The following ZNF438 variants were observed in gnomAD, a reference collection of about 807,000 sequenced individuals.
The protein encoded by ZNF438 is zinc finger protein 438.
Under a neutral mutation model 38.0 loss-of-function variants are expected in ZNF438, and 25 were observed. The ratio of observed to expected loss-of-function variants is 0.66; its 90% confidence interval spans 0.48 to 0.92. The LOEUF is 0.92. Ranked by LOEUF, ZNF438 falls within the 40% of genes least tolerant of loss-of-function variation. ZNF438 has a pLI of 0.00. For missense variants in ZNF438, 1,007 were observed against 999.6 expected (o/e 1.01, Z -0.10); for synonymous variants, 372 against 364.1 (o/e 1.02, Z -0.25).
At position 30,941,667 on chromosome 10, in the gene ZNF438, G is replaced by T. The variant is rs1329353687; in HGVS notation, c.-191-16C>A. ...TCATTTTTATCTGAAAACAAATGTA[G>T]TGGAAATAACAAAATTATAAAGAAT... is the stretch of plus-strand genomic sequence containing the variant. On this transcript the variant is annotated splice_polypyrimidine_tract_variant and intron_variant, in intron 1 of 5. Coordinates refer to ENST00000413025, the Ensembl canonical transcript of ZNF438. 2 of 152,158 alleles carry T rather than the reference G, an allele frequency of 1.3e-5. No individual in the cohort carries two copies. The highest frequency in any genetic ancestry group is 6.6e-5 in the Admixed American group (1 of 15,260). The allele number at this position is 152,158 out of a possible 1,614,324, so 9.4% of individuals were successfully genotyped here. A position where few individuals can be genotyped will look rare whatever the true frequency, so the allele number is the denominator to read the frequency against.
intron 1 of ZNF438, among the ~76,000 whole-genome samples, chr10:30,986,348 C>T (rs1279120376): frequency 6.6e-6 from 1 of 152,160 alleles, no homozygotes; most frequent in Non-Finnish European, 1.5e-5. Flanking sequence ...CAGTTCCACA[C>T]TGGGTAGTCA....
At chr10:31,006,917 A>G (rs1045776647) in intron 1 of ZNF438, among the ~76,000 whole-genome samples, 9 of 152,190 alleles carry the variant, frequency 5.9e-5, no homozygotes, top group African/African-American at 2.2e-4. Flanking sequence ...ACACAGAATT[A>G]AGGCTGGTAA....
At chr10:30,909,202 A>G (rs1466358546) in intron 2 of ZNF438, among the ~76,000 whole-genome samples, 187 bp from the exon 4 acceptor site, 1 of 152,202 alleles carries the variant, frequency 6.6e-6, no homozygotes, top group Non-Finnish European at 1.5e-5. Flanking sequence ...TTAGTAAAGT[A>G]CTAAGATTTT....
At chr10:30,918,802 A>T (rs1039872230) in intron 2 of ZNF438, among the ~76,000 whole-genome samples, 1 of 152,174 alleles carries the variant, frequency 6.6e-6, no homozygotes, top group Admixed American at 6.6e-5. Context: ...TTTTAAGTAG[A>T]TTATCTGATG....
intron 2 of ZNF438, among the ~76,000 whole-genome samples, chr10:30,929,436 T>C (rs987340033): frequency 2.0e-5 from 3 of 152,226 alleles, no homozygotes; most frequent in African/African-American, 4.8e-5. Flanking sequence ...TCATTCCTCC[T>C]GGTGGGTTCG....
chr10:30,857,291 G>A (rs865955677), intron 4 of ZNF438, among the ~76,000 whole-genome samples: 1 of 134,826 alleles, frequency 7.4e-6, no homozygotes, highest in Middle Eastern at 4.3e-3. Context: ...CAGTCTTGCT[G>A]TCACCCAGGC....
rs558589135 is a variant in ZNF438, at chr10:30,968,724, G to T, written c.-191-27073C>A. 8.5e-5 allele frequency among the ~76,000 whole-genome samples: 13 copies of T among 152,162 alleles called. No individual in the cohort carries two copies. In the South Asian group the frequency reaches 2.7e-3, roughly 32 times the overall value. On this transcript the variant is annotated intron_variant, in intron 1 of 5. Coordinates refer to ENST00000413025, the Ensembl canonical transcript of ZNF438. ...CCCAAAGTGCTGGGATTACAGGCGT[G>T]AGCCACCGTGCCCAGCCTCTGATTG... is the stretch of plus-strand genomic sequence containing the variant.
chr10:30,887,207 A>G (rs1484733445), intron 3 of ZNF438, among the ~76,000 whole-genome samples: 1 of 152,164 alleles, frequency 6.6e-6, no homozygotes, highest in East Asian at 1.9e-4. Flanking sequence ...AAGCTAGCCA[A>G]TGTTAAACAG....
intron 1 of ZNF438, among the ~76,000 whole-genome samples, chr10:30,998,905 T>C (rs1294240545): frequency 6.6e-6 from 1 of 152,200 alleles, no homozygotes; most frequent in Non-Finnish European, 1.5e-5. Flanking sequence ...TCTATTTCCA[T>C]ACACTTTCTG....
chr10:30,866,726 C>T (rs978498232), intron 4 of ZNF438, among the ~76,000 whole-genome samples: 13 of 151,564 alleles, frequency 8.6e-5, no homozygotes, highest in African/African-American at 3.2e-4. Flanking sequence ...CCCAGCTACT[C>T]GGGAGGCTGA....
chr10:30,947,681 C>T (rs532761261), intron 1 of ZNF438, among the ~76,000 whole-genome samples: 42 of 152,332 alleles, frequency 2.8e-4, no homozygotes, highest in African/African-American at 7.5e-4. Flanking sequence ...AGCGAGACTC[C>T]GTGGGTGTAG....
chr10:30,913,865 C>T (rs531199746), intron 2 of ZNF438, among the ~76,000 whole-genome samples: 12 of 152,218 alleles, frequency 7.9e-5, no homozygotes, highest in Admixed American at 7.9e-4. Context: ...ATAGAATGTT[C>T]CCACTGGAAC....
chr10:30,905,586 G>T (rs1431469237), intron 3 of ZNF438, among the ~76,000 whole-genome samples: 1 of 152,054 alleles, frequency 6.6e-6, no homozygotes, highest in Non-Finnish European at 1.5e-5. Context: ...ATCCTTTGAA[G>T]TACAAAAGTT....
chr10:30,878,093 G>A (rs533330252), intron 3 of ZNF438, among the ~76,000 whole-genome samples: 6 of 152,264 alleles, frequency 3.9e-5, no homozygotes, highest in South Asian at 2.1e-4. Context: ...AGACAGGGGC[G>A]GGTCCCCAGT....
intron 3 of ZNF438, among the ~76,000 whole-genome samples, chr10:30,887,051 T>C (rs1040850135): frequency 6.6e-6 from 1 of 152,192 alleles, no homozygotes; most frequent in African/African-American, 2.4e-5. Context: ...TGTGAGCGTG[T>C]CTTTCATACG....
intron 1 of ZNF438, among the ~76,000 whole-genome samples, chr10:31,002,098 C>T (rs1048935435): frequency 1.3e-5 from 2 of 152,158 alleles, no homozygotes; most frequent in Non-Finnish European, 2.9e-5. Flanking sequence ...GGGAGTAGCA[C>T]AAGAAACACA....
intron 4 of ZNF438, among the ~76,000 whole-genome samples, chr10:30,868,155 C>T (rs905369709): frequency 1.3e-5 from 2 of 151,858 alleles, no homozygotes; most frequent in Non-Finnish European, 2.9e-5. Context: ...CTGCAACTTC[C>T]GTCTCCCCAG....
intron 4 of ZNF438, among the ~76,000 whole-genome samples, chr10:30,851,581 TA>T (rs570648982): frequency 6.6e-6 from 1 of 152,272 alleles, no homozygotes; most frequent in South Asian, 2.1e-4. Flanking sequence ...ATGCGTGTAC[TA>T]AATGTTACAT....
At chr10:30,862,855 A>G (rs1323229070) in intron 4 of ZNF438, among the ~76,000 whole-genome samples, 1 of 152,246 alleles carries the variant, frequency 6.6e-6, no homozygotes, top group African/African-American at 2.4e-5. Flanking sequence ...AATGCAGGGA[A>G]CCAAAATTAC....
Sources: gnomAD v4.1 joint callset for allele counts (sites outside exome capture counted in the v4.1 genomes callset) on GRCh38, gnomAD v4.1.1 for gene constraint, MANE v1.5 for transcripts, NCBI Gene and HGNC (gene_info 2026-07-23, HGNC 2026-07-21) for gene names.